The following MAP2K4 variants were observed in gnomAD, a reference collection of about 807,000 sequenced individuals.
MAP2K4 encodes the protein dual specificity mitogen-activated protein kinase kinase 4.
Under a neutral mutation model 48.5 loss-of-function variants are expected in MAP2K4, and 4 were observed. The observed-to-expected ratio is 0.08, with a 90% CI of 0.04 to 0.19. MAP2K4 has a LOEUF of 0.19. Among genes scored for constraint, MAP2K4 ranks in the 10% least tolerant of loss-of-function variants. The pLI is 1.00. For missense variants in MAP2K4, 258 were observed against 493.3 expected (o/e 0.52, Z 4.52); for synonymous variants, 166 against 173.1 (o/e 0.96, Z 0.32).
intron 10 of MAP2K4, among the ~76,000 whole-genome samples, chr17:12,140,245 T>C (rs1172592445): frequency 6.6e-6 from 1 of 152,152 alleles, no homozygotes; most frequent in Non-Finnish European, 1.5e-5. Flanking sequence ...ATAAAATTCA[T>C]GCAAATTTAC....
chr17:12,107,228 G>A (rs2151572100), intron 4 of MAP2K4, among the ~76,000 whole-genome samples: 1 of 152,160 alleles, frequency 6.6e-6, no homozygotes, highest in African/African-American at 2.4e-5. Context: ...TTATATTAGA[G>A]GATGATGAAG....
chr17:12,020,921 C>G lies in MAP2K4; in HGVS notation c.35C>G (p.Ser12Cys). 8.2e-7 allele frequency: 1 copy of G among 1,216,216 alleles called. No individual in the cohort carries two copies. Among genetic ancestry groups the G allele is most frequent in the Non-Finnish European group, 1.0e-6 (1 of 978,212 alleles). The allele number at this position is 1,216,216 out of a possible 1,614,324, so 75.3% of individuals were successfully genotyped here. A position where few individuals can be genotyped will look rare whatever the true frequency, so the allele number is the denominator to read the frequency against. The change falls in exon 1 of 11, where the codon TCC (serine) becomes TGC (cysteine). Residue 12 changes from serine (S) to cysteine (C), a missense_variant. Coordinates refer to ENST00000353533, the MANE Select transcript of MAP2K4 (RefSeq NM_003010.4). ...AAPSPSGGGGSGGGSGSGTPG... is the reference protein window; with the variant it reads ...AAPSPSGGGGCGGGSGSGTPG... ...CCGAGCCCGAGCGGCGGCGGCGGCT[C>G]CGGGGGCGGCAGCGGCAGCGGCACC...
chr17:12,073,766 G>A (rs1473996349), intron 2 of MAP2K4, among the ~76,000 whole-genome samples: 1 of 140,610 alleles, frequency 7.1e-6, no homozygotes, highest in East Asian at 2.1e-4. Context: ...CCTTCTCGTT[G>A]TAGATTTTTT....
At chr17:12,121,407 CA>C (rs988857020) in intron 7 of MAP2K4, among the ~76,000 whole-genome samples, 2 of 151,694 alleles carry the variant, frequency 1.3e-5, no homozygotes, top group African/African-American at 4.8e-5. Flanking sequence ...TCCCATATGT[CA>C]AAAAAACTAT....
chr17:12,061,807 G>A (rs1025216482), intron 2 of MAP2K4, among the ~76,000 whole-genome samples: 20 of 151,930 alleles, frequency 1.3e-4, no homozygotes, highest in Middle Eastern at 3.2e-3. Flanking sequence ...AATATTATAA[G>A]GCCTTTTATC....
At chr17:12,054,745 C>T in intron 1 of MAP2K4, 144 bp from the exon 2 acceptor site, 1 of 497,026 alleles carries the variant, frequency 2.0e-6, no homozygotes, top group South Asian at 4.1e-5. Context: ...TAAGAAATTC[C>T]TCATTGCCTT....
intron 2 of MAP2K4, among the ~76,000 whole-genome samples, chr17:12,056,919 C>T (rs1249558184): frequency 6.6e-6 from 1 of 151,906 alleles, no homozygotes; most frequent in African/African-American, 2.4e-5. Flanking sequence ...GTTTTTTCTC[C>T]TAAAATTTCC....
chr17:12,070,474 A>G lies in MAP2K4; in HGVS notation c.219-10882A>G, dbSNP rs1020181162. Among the ~76,000 whole-genome samples, 4 of 152,318 alleles carry G rather than the reference A, an allele frequency of 2.6e-5. No individual in the cohort carries two copies. The East Asian group carries it at 5.8e-4, about 22-fold the overall frequency. ...ATTTTCAAGAAAAATTCTGAAATGT[A>G]TCTTGAGATTAAATTCTGGAAACAG... On this transcript the variant is annotated intron_variant, in intron 2 of 10. Coordinates refer to ENST00000353533, the MANE Select transcript of MAP2K4 (RefSeq NM_003010.4).
intron 1 of MAP2K4, among the ~76,000 whole-genome samples, chr17:12,048,732 C>T (rs1295969200): frequency 1.3e-5 from 2 of 152,144 alleles, no homozygotes; most frequent in African/African-American, 4.8e-5. Context: ...TCTCTGCTCA[C>T]TGAAACCTAT....
Position 12,081,868 on chromosome 17 carries a change from C to A in MAP2K4, c.393+338C>A. 1 of 538,080 alleles carries A rather than the reference C, an allele frequency of 1.9e-6. No individual in the cohort carries two copies. Among genetic ancestry groups the A allele is most frequent in the South Asian group, 1.4e-5 (1 of 69,146 alleles). 33.3% of individuals were successfully genotyped at this position (538,080 alleles called of 1,614,324 possible). ...CAGGGCAGTGCTGCACTGAGCCAGG[C>A]GGGAGCTGGAAGAAGACGCAGCACA... On this transcript the variant is annotated intron_variant, in intron 3 of 10. Coordinates refer to ENST00000353533, the MANE Select transcript of MAP2K4 (RefSeq NM_003010.4). The surrounding 1 kb of genome is among the most constrained non-coding windows in gnomAD (Gnocchi z 4.2).
intron 4 of MAP2K4, among the ~76,000 whole-genome samples, chr17:12,103,901 T>C (rs1972024946): frequency 6.6e-6 from 1 of 152,006 alleles, no homozygotes; most frequent in East Asian, 1.9e-4. Context: ...CACCTTTTTA[T>C]TTTATTTTTT....
intron 6 of MAP2K4, 106 bp from the exon 7 acceptor site, chr17:12,113,127 G>A: frequency 2.2e-6 from 2 of 915,780 alleles, no homozygotes; most frequent in Non-Finnish European, 3.3e-6. Context: ...TTAAGGACTT[G>A]ACCACTTATG....
At chr17:12,125,686 G>C (rs1972831100) in intron 8 of MAP2K4, among the ~76,000 whole-genome samples, 1 of 152,178 alleles carries the variant, frequency 6.6e-6, no homozygotes, top group Admixed American at 6.5e-5. Flanking sequence ...CAGCTTACCT[G>C]CAGTCAATTC....
At position 12,141,468 on chromosome 17, in the gene MAP2K4, CAG is replaced by C. The variant is rs751116797; in HGVS notation, c.*214_*215del. 4 of 565,288 alleles carry C rather than the reference CAG, an allele frequency of 7.1e-6. No individual in the cohort carries two copies. Among genetic ancestry groups the C allele is most frequent in the Non-Finnish European group, 1.3e-5 (4 of 316,668 alleles). 35.0% of individuals were successfully genotyped at this position (565,288 alleles called of 1,614,324 possible). On this transcript the variant is annotated 3_prime_UTR_variant, in exon 11 of 11. Coordinates refer to ENST00000353533, the MANE Select transcript of MAP2K4 (RefSeq NM_003010.4). ...TTGATCACACAGTGTTAGTGCTGGTCAGAGAGACCTCATCCTGCTCTTTTGTG... is the reference window on the plus strand; with the variant it reads ...TTGATCACACAGTGTTAGTGCTGGTCAGAGACCTCATCCTGCTCTTTTGTG...
chr17:12,097,051 G>A (rs941257995), intron 4 of MAP2K4, among the ~76,000 whole-genome samples: 5 of 152,126 alleles, frequency 3.3e-5, no homozygotes, highest in African/African-American at 9.7e-5. Flanking sequence ...TCATGTGCAT[G>A]ACTGTATCTT....
rs28918091 is a variant in MAP2K4, at chr17:12,034,593, C to T, written c.115+13592C>T. ...GGACACCTAGAAACCATACAGTAAG[C>T]GAGATTCTTGGTACAGAAATGAATG... On this transcript the variant is annotated intron_variant, in intron 1 of 10. Coordinates refer to ENST00000353533, the MANE Select transcript of MAP2K4 (RefSeq NM_003010.4). Among the ~76,000 whole-genome samples, 1,226 of 152,222 alleles carry T rather than the reference C, an allele frequency of 8.1e-3. 16 individuals are homozygous for T. The highest frequency in any genetic ancestry group is 0.028 in the African/African-American group (1,150 of 41,520).
intron 1 of MAP2K4, among the ~76,000 whole-genome samples, chr17:12,049,048 A>G (rs1184187478): frequency 6.6e-6 from 1 of 152,200 alleles, no homozygotes; most frequent in Non-Finnish European, 1.5e-5. Context: ...TAAGTTCTTT[A>G]CTACCACTTT....
chr17:12,071,201 G>A (rs964719945), intron 2 of MAP2K4, among the ~76,000 whole-genome samples: 1 of 152,146 alleles, frequency 6.6e-6, no homozygotes, highest in African/African-American at 2.4e-5. Context: ...CGTAAAGATA[G>A]GTTACTTTCT....
chr17:12,113,155 A>G, intron 6 of MAP2K4, 78 bp from the exon 7 acceptor site: 1 of 1,406,732 alleles, frequency 7.1e-7, no homozygotes, highest in Non-Finnish European at 9.8e-7. Context: ...AGGTTTTTCA[A>G]TATTTTTGCT....
Sources: gnomAD v4.1 joint callset for allele counts (sites outside exome capture counted in the v4.1 genomes callset) on GRCh38, gnomAD v4.1.1 for gene constraint, Gnocchi (gnomAD v3.1) non-coding constraint, MANE v1.5 for transcripts, NCBI Gene and HGNC (gene_info 2026-07-23, HGNC 2026-07-21) for gene names.